The following BCAN variants were observed in gnomAD, a reference collection of about 807,000 sequenced individuals.
The protein encoded by BCAN is brevican core protein.
A neutral mutation model predicts 92.4 loss-of-function variants in BCAN; 51 were observed. The ratio of observed to expected loss-of-function variants is 0.55; its 90% CI spans 0.44 to 0.70. BCAN has a LOEUF of 0.70. BCAN is among the 30% of genes least tolerant of loss of function. The pLI, the probability that BCAN is intolerant of heterozygous loss-of-function variation, is 0.00. For missense variants in BCAN, 1,140 were observed against 1,212.1 expected, an observed-to-expected ratio of 0.94 and a Z score of 0.88; for synonymous variants, 501 against 505.2, an observed-to-expected ratio of 0.99 and a Z score of 0.11.
In BCAN at chr1:156,652,849, T is replaced by A; in HGVS notation, c.1899T>A (p.Thr633=). Residue 633 remains threonine (T), a synonymous_variant, in exon 8 of 14, where the codon ACT becomes ACA. Coordinates refer to ENST00000329117, the MANE Select transcript of BCAN (RefSeq NM_021948.5). ...TGCAGGCCCAGCCAGTGCTGCCCAC[T>A]GACAGCGCCAGCCGAGGTGGAGTGG... ...TSVQAQPVLP[T]DSASRGGVAV... The A allele has an allele frequency of 6.2e-7, 1 of 1,613,886 alleles. No individual in the cohort carries two copies. Among genetic ancestry groups the A allele is most frequent in the Non-Finnish European group, 8.5e-7 (1 of 1,180,008 alleles).
rs1443500216 is a variant in BCAN at position 156,659,120 on chromosome 1, A to G, written c.2722A>G (p.Met908Val). The change falls in exon 14 of 14, where the codon ATG becomes GTG. Residue 908 changes from methionine (M) to valine (V), a missense_variant. Physicochemically the swap from Met to Val is conservative, Grantham distance 21. Coordinates refer to ENST00000329117, the MANE Select transcript of BCAN (RefSeq NM_021948.5). The stretch of plus-strand genomic sequence containing the variant: ...GCTGTTGATCCCCCCTTCCAGCCCC[A>G]TGCCAGGTCCCTAGGGGGCAAGGCC... ...KALLIPPSSP[M>V]PGP The G allele has an allele frequency of 6.3e-7, 1 of 1,578,986 alleles. No individual in the cohort carries two copies. Among genetic ancestry groups the G allele is most frequent in the Non-Finnish European group, 8.6e-7 (1 of 1,163,786 alleles).
At chr1:156,653,313 G>A in intron 8 of BCAN, 1 of 1,071,816 alleles carries the variant, frequency 9.3e-7, no homozygotes, top group Non-Finnish European at 1.1e-6. Context: ...ATTGATCTCA[G>A]GGAAGCCTGG....
intron 9 of BCAN, 168 bp from the exon 10 acceptor site, chr1:156,656,770 C>T: frequency 1.1e-6 from 1 of 928,624 alleles, no homozygotes; most frequent in Non-Finnish European, 1.6e-6. Context: ...AGAGCCCCTC[C>T]AGGCTCCTGC....
Position 156,647,244 on chromosome 1 carries a change from TC to T in BCAN, c.466+72del. ...AAGGGAGGACTCTTGCCTTCGGGGA[TC>T]CCACAGTGTGAGAGGGAAGCAAAGG... On this transcript the variant is annotated intron_variant, in intron 3 of 13. Transcript: ENST00000329117. The surrounding 1 kb of genome is among the most constrained non-coding windows in gnomAD (Gnocchi z 4.8). The T allele has an allele frequency of 1.4e-6, 2 of 1,455,336 alleles. No individual in the cohort carries two copies. The highest frequency in any genetic ancestry group is 1.8e-6 in the Non-Finnish European group (2 of 1,097,340). The allele number at this position is 1,455,336 out of a possible 1,614,324, so 90.2% of individuals were successfully genotyped here.
In BCAN at chr1:156,646,987, C is replaced by A. The variant is rs777379557; in HGVS notation, c.278C>A (p.Ala93Glu). 6.2e-7 allele frequency: 1 copy of A among 1,612,840 alleles called. No homozygotes were observed. The highest frequency in any genetic ancestry group is 8.5e-7 in the Non-Finnish European group (1 of 1,179,550). ...SRGREAEVLV[A>E]RGVRVKVNEA... ...GGCCGGGAGGCAGAGGTGCTGGTGGCGCGGGGAGTGCGCGTCAAGGTGAAC... is the reference window on the plus strand; with the variant it reads ...GGCCGGGAGGCAGAGGTGCTGGTGGAGCGGGGAGTGCGCGTCAAGGTGAAC... The change falls in exon 3 of 14, where the codon GCG becomes GAG. Residue 93 changes from alanine (A) to glutamate (E), a missense_variant. Ala to Glu is a moderately radical substitution (Grantham distance 107). Transcript: ENST00000329117.
Position 156,652,616 on chromosome 1 carries a change from C to T in BCAN, c.1666C>T (p.Pro556Ser), listed in dbSNP as rs1263833249. 3 of 1,613,908 alleles carry T rather than the reference C, an allele frequency of 1.9e-6. No individual in the cohort carries two copies. Among genetic ancestry groups the T allele is most frequent in the African/African-American group, 1.3e-5 (1 of 74,932 alleles). The change falls in exon 8 of 14, where the codon CCT becomes TCT. Residue 556 changes from proline to serine, a missense_variant. Coordinates refer to ENST00000329117, the MANE Select transcript of BCAN (RefSeq NM_021948.5). Reference protein sequence around the residue: ...PRERNLASPSPSTLVEAREVG... With the variant: ...PRERNLASPSSSTLVEAREVG... ...GGAGAGGAACCTAGCATCCCCATCA[C>T]CTTCCACTCTGGTTGAGGCAAGAGA...
intron 9 of BCAN, 49 bp from the exon 10 acceptor site, chr1:156,656,889 G>C (rs1450678285): frequency 6.3e-7 from 1 of 1,595,504 alleles, no homozygotes; most frequent in Non-Finnish European, 8.6e-7. Flanking sequence ...CAGGGGACCT[G>C]GCCCTCTGGG....
Position 156,647,243 on chromosome 1 carries a change from A to G in BCAN, c.466+68A>G. 1 of 1,458,538 alleles carries G rather than the reference A, an allele frequency of 6.9e-7. No homozygotes were observed. Among genetic ancestry groups the G allele is most frequent in the Non-Finnish European group, 9.1e-7 (1 of 1,099,208 alleles). The allele number at this position is 1,458,538 out of a possible 1,614,324, so 90.3% of individuals were successfully genotyped here. A position where few individuals can be genotyped will look rare whatever the true frequency, so the allele number is the denominator to read the frequency against. Reference sequence around the variant, plus strand: ...GAAGGGAGGACTCTTGCCTTCGGGGATCCCACAGTGTGAGAGGGAAGCAAA... The same window carrying G: ...GAAGGGAGGACTCTTGCCTTCGGGGGTCCCACAGTGTGAGAGGGAAGCAAA... On this transcript the variant is annotated intron_variant, in intron 3 of 13. Transcript: ENST00000329117. The surrounding 1 kb of genome is among the most constrained non-coding windows in gnomAD (Gnocchi z 4.8).
intron 7 of BCAN, 85 bp downstream of exon 7, chr1:156,651,774 A>T: frequency 8.3e-7 from 1 of 1,197,892 alleles, no homozygotes; most frequent in Non-Finnish European, 1.2e-6. Flanking sequence ...TGCTAGGGTG[A>T]TGGATGACAT....
Position 156,658,608 on chromosome 1 carries a change from G to C in BCAN, c.2503G>C (p.Glu835Gln). Reference sequence around the variant, plus strand: ...GTTCGGCCGCCCACGGCTGCGCTATGAGGTGGACACTGTGCTTCGCTACCG... The same window carrying C: ...GTTCGGCCGCCCACGGCTGCGCTATCAGGTGGACACTGTGCTTCGCTACCG... The part of the protein sequence containing the change: ...QVFGRPRLRY[E>Q]VDTVLRYRCR... The change falls in exon 13 of 14, where the codon GAG becomes CAG. Residue 835 changes from glutamate (E) to glutamine (Q), a missense_variant. Transcript: ENST00000329117. This position sits in a 1 kb window ranked among gnomAD's most constrained non-coding sequence, Gnocchi z 4.4. 6.2e-7 allele frequency: 1 copy of C among 1,614,090 alleles called. No homozygotes were observed. Among genetic ancestry groups the C allele is most frequent in the Non-Finnish European group, 8.5e-7 (1 of 1,180,046 alleles).
chr1:156,656,495 A>T, intron 9 of BCAN, 106 bp downstream of exon 9: 1 of 907,116 alleles, frequency 1.1e-6, no homozygotes, highest in South Asian at 3.3e-5. Flanking sequence ...GTCATTAATG[A>T]GTCCCTGTTT....
chr1:156,652,603 A>G lies in BCAN; in HGVS notation c.1653A>G (p.Leu551=). The G allele has an allele frequency of 1.9e-6, 3 of 1,613,960 alleles. No individual in the cohort carries two copies. The highest frequency in any genetic ancestry group is 2.5e-6 in the Non-Finnish European group (3 of 1,179,880). ...TGCCCACTCCCAGGGAGAGGAACCT[A>G]GCATCCCCATCACCTTCCACTCTGG... ...ETLPTPRERN[L]ASPSPSTLVE... is the part of the protein sequence containing the mutation. Residue 551 remains leucine, a synonymous_variant, in exon 8 of 14, where the codon CTA becomes CTG. Coordinates refer to ENST00000329117, the MANE Select transcript of BCAN (RefSeq NM_021948.5).
At chr1:156,656,709 T>C in intron 9 of BCAN, 2 of 585,244 alleles carry the variant, frequency 3.4e-6, no homozygotes, top group Non-Finnish European at 5.9e-6. Context: ...CGGAACTCCA[T>C]CCCTCACCCT....
At chr1:156,653,095 T>G in intron 8 of BCAN, 1 of 1,426,630 alleles carries the variant, frequency 7.0e-7, no homozygotes, top group Non-Finnish European at 9.1e-7. Flanking sequence ...CTCCGCGTCT[T>G]TACCCTGTGA....
chr1:156,654,993 C>T (rs879794207), intron 8 of BCAN, among the ~76,000 whole-genome samples: 3 of 152,246 alleles, frequency 2.0e-5, no homozygotes, highest in Admixed American at 6.5e-5. Flanking sequence ...CTGATTCCCA[C>T]CAGGCAGTGG....
In BCAN at chr1:156,651,707, T is replaced by G. The variant is rs1679171580; in HGVS notation, c.1297+18T>G. 6.3e-7 allele frequency: 1 copy of G among 1,578,240 alleles called. No individual in the cohort carries two copies. Among genetic ancestry groups the G allele is most frequent in the Admixed American group, 1.8e-5 (1 of 55,740 alleles). ...GCTCCTAGGTAAGTCGGATCCCTTA[T>G]CCTAAGGATGTCTTGATTGAAAGAA... On this transcript the variant is annotated intron_variant, in intron 7 of 13. Transcript: ENST00000329117.
chr1:156,646,763 G>T (rs1678987033), intron 2 of BCAN, 38 bp from the exon 3 acceptor site: 2 of 1,513,154 alleles, frequency 1.3e-6, no homozygotes, highest in South Asian at 2.7e-5. Context: ...TCTGAGGGTC[G>T]ACAGCGTTAA....
At position 156,652,697 on chromosome 1, in the gene BCAN, G is replaced by C; in HGVS notation, c.1747G>C (p.Glu583Gln). The change falls in exon 8 of 14, where the codon GAG becomes CAG. Residue 583 changes from glutamate to glutamine, a missense_variant. Glu to Gln is a conservative substitution (Grantham distance 29, BLOSUM62 2). Around this residue, in one of 3 missense-constraint regions of BCAN, gnomAD observed 825 missense variants for 871.8 expected, o/e 0.95. Coordinates refer to ENST00000329117, the MANE Select transcript of BCAN (RefSeq NM_021948.5). ...ELSGVPRGES[E>Q]ETGSSEGAPS... The stretch of plus-strand genomic sequence containing the variant: ...ATCTGGGGTCCCTCGAGGAGAGAGC[G>C]AGGAGACAGGAAGCTCCGAGGGTGC... 1.2e-6 allele frequency: 2 copies of C among 1,607,742 alleles called. No homozygotes were observed. The highest frequency in any genetic ancestry group is 1.7e-6 in the Non-Finnish European group (2 of 1,175,850).
rs1678800354 is a variant in BCAN at position 156,642,157 on chromosome 1, C to G, written c.-127C>G. On this transcript the variant is annotated 5_prime_UTR_variant, in exon 1 of 14. Coordinates refer to ENST00000329117, the MANE Select transcript of BCAN (RefSeq NM_021948.5). The surrounding 1 kb of genome is among the most constrained non-coding windows in gnomAD (Gnocchi z 4.2). ...TGCGGCCCCAGCCTCTCCTCACGCT[C>G]GCGCAGTCTCCGCCGCAGTCTCAGC... 1 of 152,322 alleles carries G rather than the reference C, an allele frequency of 6.6e-6. No homozygotes were observed. The highest frequency in any genetic ancestry group is 1.9e-4 in the East Asian group (1 of 5,176). The allele number at this position is 152,322 out of a possible 1,614,324, so 9.4% of individuals were successfully genotyped here. A position where few individuals can be genotyped will look rare whatever the true frequency, so the allele number is the denominator to read the frequency against.
Sources: gnomAD v4.1 joint callset for allele counts (sites outside exome capture counted in the v4.1 genomes callset) on GRCh38, gnomAD v4.1.1 for gene constraint, gnomAD v4.1.1 regional missense constraint, Gnocchi (gnomAD v3.1) non-coding constraint, MANE v1.5 for transcripts, NCBI Gene and HGNC (gene_info 2026-07-23, HGNC 2026-07-21) for gene names.